The following CDH12 variants were observed in gnomAD, a reference collection of about 807,000 sequenced individuals.
The protein encoded by CDH12 is cadherin 12.
In CDH12, 41 loss-of-function variants were observed where a neutral mutation model predicts 74.1. The observed-to-expected ratio is 0.55, with a 90% confidence interval of 0.43 to 0.72. CDH12 has a LOEUF of 0.72. CDH12 is among the 30% of genes least tolerant of loss of function. The pLI, the probability that CDH12 is intolerant of heterozygous loss-of-function variation, is 0.00. For missense variants in CDH12, 945 were observed against 977.2 expected, an observed-to-expected ratio of 0.97 and a Z score of 0.44; for synonymous variants, 399 against 355.0, an observed-to-expected ratio of 1.12 and a Z score of -1.39.
At chr5:22,823,269 T>A (rs7446309) in intron 1 of CDH12, among the ~76,000 whole-genome samples, 101,043 of 147,424 alleles carry the variant, frequency 0.69, 35,005 homozygotes, top group African/African-American at 0.74. Context: ...GCATTAGGAG[T>A]TACACCTAAT....
At chr5:22,686,812 T>A (rs1741818925) in intron 1 of CDH12, among the ~76,000 whole-genome samples, 1 of 152,172 alleles carries the variant, frequency 6.6e-6, no homozygotes, top group African/African-American at 2.4e-5. Context: ...TCTTAACAGA[T>A]CTCTACAGGT....
chr5:22,647,705 AG>A (rs1195119133), intron 1 of CDH12, among the ~76,000 whole-genome samples: 2 of 151,932 alleles, frequency 1.3e-5, no homozygotes, highest in African/African-American at 2.4e-5. Context: ...ACTAGAGCTT[AG>A]GACTTCAACA....
intron 1 of CDH12, among the ~76,000 whole-genome samples, chr5:22,546,840 G>C (rs1181446113): frequency 6.6e-6 from 1 of 152,106 alleles, no homozygotes; most frequent in East Asian, 1.9e-4. Flanking sequence ...AAATCTTAAC[G>C]CCTACATATT....
chr5:22,315,618 T>C (rs905731564), intron 3 of CDH12, among the ~76,000 whole-genome samples: 6 of 152,150 alleles, frequency 3.9e-5, no homozygotes, highest in African/African-American at 7.2e-5. Context: ...AAAAGACATA[T>C]GTATTAAAAT....
intron 5 of CDH12, among the ~76,000 whole-genome samples, chr5:21,988,518 A>G (rs1402126926): frequency 2.7e-5 from 4 of 149,686 alleles, no homozygotes; most frequent in African/African-American, 7.5e-5. Context: ...AAAAAAAAAA[A>G]AAATGCCTAC....
intron 1 of CDH12, among the ~76,000 whole-genome samples, chr5:22,570,103 T>A (rs1196693056): frequency 1.3e-5 from 2 of 152,076 alleles, no homozygotes; most frequent in African/African-American, 4.8e-5. Flanking sequence ...ATGCCCAGGC[T>A]GGAGTGCAGT....
intron 3 of CDH12, among the ~76,000 whole-genome samples, chr5:22,386,938 T>G (rs998026751): frequency 1.2e-4 from 18 of 152,124 alleles, no homozygotes; most frequent in Middle Eastern, 3.6e-3. Flanking sequence ...ATTTATAATA[T>G]ACACATATTA....
chr5:21,837,431 A>G (rs1749595323), intron 8 of CDH12, among the ~76,000 whole-genome samples: 1 of 151,798 alleles, frequency 6.6e-6, no homozygotes. Context: ...AGCTTAAGCA[A>G]TGAGAAGAGT....
At chr5:21,771,057 T>C (rs1475695269) in intron 11 of CDH12, among the ~76,000 whole-genome samples, 1 of 152,126 alleles carries the variant, frequency 6.6e-6, no homozygotes, top group African/African-American at 2.4e-5. Flanking sequence ...CAGGGCCTAC[T>C]TGAGGACAGA....
chr5:22,058,709 AAAAG>A lies in CDH12; in HGVS notation c.231+19733_231+19736del, dbSNP rs370531947. Among the ~76,000 whole-genome samples the A allele has an allele frequency of 8.5e-3, 1,281 of 151,254 alleles. 18 individuals are homozygous for A. Among genetic ancestry groups the A allele is most frequent in the African/African-American group, 0.025 (1,012 of 41,170 alleles). On this transcript the variant is annotated intron_variant, in intron 5 of 14. Transcript: ENST00000382254. ...AGAAAGAAGAAAGAAAGAAGAAAGA[AAAAG>A]AAAGAAAGAAAGAGAAAGAAAGAAA...
chr5:22,077,047 AGTGTGTGTGTGT>A (rs5866546), intron 5 of CDH12, among the ~76,000 whole-genome samples: 106 of 149,158 alleles, frequency 7.1e-4, no homozygotes, highest in African/African-American at 2.2e-3. Context: ...GCTTAATGGC[AGTGTGTGTGTGT>A]GTGTGTGTGT....
chr5:21,777,567 G>A (rs1390302176), intron 11 of CDH12, among the ~76,000 whole-genome samples: 1 of 150,734 alleles, frequency 6.6e-6, no homozygotes, highest in Admixed American at 6.6e-5. Flanking sequence ...CTGTCACCCA[G>A]GCTGGAGTGC....
At chr5:21,884,256 C>T (rs1339187688) in intron 6 of CDH12, 46 of 1,499,308 alleles carry the variant, frequency 3.1e-5, no homozygotes, top group Non-Finnish European at 4.1e-5. Flanking sequence ...AGAGAAGGAC[C>T]CTGGAATGGG....
intron 3 of CDH12, among the ~76,000 whole-genome samples, chr5:22,400,928 C>T (rs114344174): frequency 2.0e-5 from 3 of 152,098 alleles, no homozygotes; most frequent in Admixed American, 6.5e-5. Flanking sequence ...ATGTAGGCTA[C>T]GTAAGATGAT....
chr5:22,479,927 C>T (rs563837209), intron 2 of CDH12, among the ~76,000 whole-genome samples: 330 of 152,042 alleles, frequency 2.2e-3, no homozygotes, highest in Middle Eastern at 0.014. Flanking sequence ...CTTGATTTGC[C>T]CCCAGCCCCC....
At position 21,874,264 on chromosome 5, in the gene CDH12, A is replaced by G. The variant is rs541262093; in HGVS notation, c.527-19474T>C. Among the ~76,000 whole-genome samples, 10 of 152,332 alleles carry G rather than the reference A, an allele frequency of 6.6e-5. No homozygotes were observed. In the East Asian group the frequency reaches 1.4e-3, roughly 21 times the overall value. ...ATTTGTGCAGCCAACAAACATATGA[A>G]GGAAGGCTCAACATCACTGATAATT... On this transcript the variant is annotated intron_variant, in intron 6 of 14. Coordinates refer to ENST00000382254, the MANE Select transcript of CDH12 (RefSeq NM_004061.5).
chr5:21,846,287 G>C (rs1229735986), intron 7 of CDH12, among the ~76,000 whole-genome samples: 2 of 152,164 alleles, frequency 1.3e-5, no homozygotes, highest in African/African-American at 4.8e-5. Context: ...TTTCACTGCA[G>C]AAGCAGAAAC....
intron 3 of CDH12, among the ~76,000 whole-genome samples, chr5:22,287,071 C>T (rs1737171052): frequency 6.6e-6 from 1 of 152,156 alleles, no homozygotes; most frequent in South Asian, 2.1e-4. Flanking sequence ...GATTATCATT[C>T]GAGTCACTAT....
chr5:21,946,118 G>A (rs960911034), intron 6 of CDH12, among the ~76,000 whole-genome samples: 3 of 152,100 alleles, frequency 2.0e-5, no homozygotes, highest in Non-Finnish European at 4.4e-5. Flanking sequence ...TAATATTTTT[G>A]AAGTACTGAA....
Sources: gnomAD v4.1 joint callset for allele counts (sites outside exome capture counted in the v4.1 genomes callset) on GRCh38, gnomAD v4.1.1 for gene constraint, MANE v1.5 for transcripts, NCBI Gene and HGNC (gene_info 2026-07-23, HGNC 2026-07-21) for gene names.